Variants in EXTL3 observed in about 807,000 individuals in gnomAD.
EXTL3 encodes exostosin like glycosyltransferase 3, also known as exostosin-like 3.
Under a neutral mutation model 69.3 loss-of-function variants are expected in EXTL3, and 27 were observed. The ratio of observed to expected loss-of-function variants is 0.39; its 90% CI spans 0.29 to 0.54. The LOEUF is 0.54. Among genes scored for constraint, EXTL3 ranks in the 20% least tolerant of loss-of-function variants. The pLI is 0.69. For synonymous variants in EXTL3, 511 were observed against 499.4 expected, an observed-to-expected ratio of 1.02 and a Z score of -0.31; for missense variants, 1,003 against 1,231.8, an observed-to-expected ratio of 0.81 and a Z score of 2.78.
At chr8:28,668,881 T>TTTTTTTG (rs1382395399) in intron 1 of EXTL3, among the ~76,000 whole-genome samples, 1 of 147,874 alleles carries the variant, frequency 6.8e-6, no homozygotes, top group African/African-American at 2.5e-5. Context: ...TTTTTTTTTT[T>TTTTTTTG]GAGACAGAGT....
At chr8:28,712,541 A>G (rs915006962) in intron 1 of EXTL3, among the ~76,000 whole-genome samples, 3 of 152,250 alleles carry the variant, frequency 2.0e-5, no homozygotes, top group African/African-American at 7.2e-5. Flanking sequence ...AGGGCTCCTT[A>G]TCATTGTTTC....
At chr8:28,737,764 C>A (rs758761380) in intron 5 of EXTL3, 101 bp downstream of exon 5, 90 of 1,304,976 alleles carry the variant, frequency 6.9e-5, no homozygotes, top group Non-Finnish European at 9.3e-5. Flanking sequence ...ACGCTTCTTA[C>A]ATGTTTCTTT....
Position 28,750,844 on chromosome 8 carries a change from C to T in EXTL3, c.2738C>T (p.Thr913Ile). ...LFKTRLPHDKTKCFKFI is the reference protein window; with the variant it reads ...LFKTRLPHDKIKCFKFI ...AAGACACGCCTGCCCCATGACAAGA[C>T]CAAGTGCTTCAAGTTCATCTAGGGG... is the stretch of plus-strand genomic sequence containing the variant. Residue 913 changes from threonine to isoleucine, a missense_variant, in exon 7 of 7, where the codon ACC becomes ATC. By Grantham distance (89) the Thr-to-Ile change is moderately conservative. Coordinates refer to ENST00000220562, the MANE Select transcript of EXTL3 (RefSeq NM_001440.4). This position sits in a 1 kb window ranked among gnomAD's most constrained non-coding sequence, Gnocchi z 5.2. 1 of 1,614,126 alleles carries T rather than the reference C, an allele frequency of 6.2e-7. No homozygotes were observed. Among genetic ancestry groups the T allele is most frequent in the East Asian group, 2.2e-5 (1 of 44,882 alleles).
chr8:28,696,849 T>C (rs1800693987), upstream of EXTL3: 1 of 152,098 alleles, frequency 6.6e-6, no homozygotes, highest in African/African-American at 2.4e-5. Flanking sequence ...TGTTAGCCAT[T>C]GTGTGGTGGT....
intron 5 of EXTL3, 24 bp from the exon 6 acceptor site, chr8:28,743,062 T>G: frequency 6.2e-7 from 1 of 1,613,900 alleles, no homozygotes; most frequent in Non-Finnish European, 8.5e-7. Context: ...ACAGAGCATG[T>G]GGTTCTTTTT....
At chr8:28,685,997 C>A (rs1196356404) in intron 1 of EXTL3, 1 of 152,072 alleles carries the variant, frequency 6.6e-6, no homozygotes, top group Non-Finnish European at 1.5e-5. Context: ...TCCTGAGTAG[C>A]TGGGATTACA....
In EXTL3 at chr8:28,715,661, A is replaced by T. The variant is rs1159528198; in HGVS notation, c.-399A>T. ...AACCTATTACTGTATAACTGTGAATAGACACTATGCATATTTGTTGGTCAG... is the reference window on the plus strand; with the variant it reads ...AACCTATTACTGTATAACTGTGAATTGACACTATGCATATTTGTTGGTCAG... On this transcript the variant is annotated 5_prime_UTR_variant, in exon 3 of 7. Transcript: ENST00000220562. 8.5e-6 allele frequency: 2 copies of T among 235,670 alleles called. No individual in the cohort carries two copies. The highest frequency in any genetic ancestry group is 1.7e-5 in the Non-Finnish European group (2 of 118,968). The allele number at this position is 235,670 out of a possible 1,614,324, so 14.6% of individuals were successfully genotyped here. A position where few individuals can be genotyped will look rare whatever the true frequency, so the allele number is the denominator to read the frequency against.
intron 1 of EXTL3, among the ~76,000 whole-genome samples, chr8:28,662,243 C>G (rs1807128344): frequency 1.3e-5 from 2 of 151,920 alleles, no homozygotes; most frequent in South Asian, 2.1e-4. Flanking sequence ...ATTTGAATTT[C>G]CATTCCACTT....
At chr8:28,741,081 C>G (rs1801768835) in intron 5 of EXTL3, 1 of 152,240 alleles carries the variant, frequency 6.6e-6, no homozygotes, top group Admixed American at 6.6e-5. Flanking sequence ...CTCAGCCTCC[C>G]CAGTAGCTGG....
chr8:28,661,067 C>T (rs143007520), intron 1 of EXTL3, among the ~76,000 whole-genome samples: 4,262 of 151,582 alleles, frequency 0.028, 67 homozygotes, highest in Middle Eastern at 0.048. Flanking sequence ...GTGCCTGCCA[C>T]CACGCCAGGC....
intron 3 of EXTL3, among the ~76,000 whole-genome samples, chr8:28,730,690 A>G (rs1801516863): frequency 6.6e-6 from 1 of 152,184 alleles, no homozygotes; most frequent in Non-Finnish European, 1.5e-5. Flanking sequence ...AAGTTTGTGT[A>G]CGAGTAGTCA....
chr8:28,611,774 C>A lies in EXTL3; in HGVS notation n.314+4016C>A, dbSNP rs186441042. Among the ~76,000 whole-genome samples, 424 of 152,260 alleles carry A rather than the reference C, an allele frequency of 2.8e-3. 2 individuals carry two copies. The highest frequency in any genetic ancestry group is 8.7e-3 in the African/African-American group (363 of 41,554). ...CTTTCCTTAGCTCTGGGAAATAGTT[C>A]TTATTTTCTAAATCATTGTGCTTTG... On this transcript the variant is annotated intron_variant and non_coding_transcript_variant, in intron 2 of 4. Coordinates refer to the EXTL3 transcript ENST00000522725.
intron 4 of EXTL3, among the ~76,000 whole-genome samples, chr8:28,736,867 A>G (rs577399424): frequency 2.0e-5 from 3 of 152,338 alleles, no homozygotes; most frequent in African/African-American, 4.8e-5. Flanking sequence ...AGGTGGTGCA[A>G]TCATAGCTAA....
At position 28,716,226 on chromosome 8, in the gene EXTL3, A is replaced by C; in HGVS notation, c.167A>C (p.Glu56Ala). ...IAHYYLTTLD[E>A]ADEAGKRIFG... ...CACTATTACCTCACCACTCTGGATG[A>C]GGCTGATGAGGCAGGCAAGCGGATT... The change falls in exon 3 of 7, where the codon GAG (glutamate) becomes GCG (alanine). Residue 56 changes from glutamate (E) to alanine (A), a missense_variant. By Grantham distance (107) the Glu-to-Ala change is moderately radical. Around this residue, in one of 2 missense-constraint regions of EXTL3, gnomAD observed 742 missense variants for 815.4 expected, o/e 0.91. Coordinates refer to ENST00000220562, the MANE Select transcript of EXTL3 (RefSeq NM_001440.4). This position sits in a 1 kb window ranked among gnomAD's most constrained non-coding sequence, Gnocchi z 7.1. 3 of 1,614,184 alleles carry C rather than the reference A, an allele frequency of 1.9e-6. No homozygotes were observed. Among genetic ancestry groups the C allele is most frequent in the Non-Finnish European group, 2.5e-6 (3 of 1,180,024 alleles).
intron 5 of EXTL3, among the ~76,000 whole-genome samples, chr8:28,738,437 G>A (rs1394656622): frequency 6.6e-6 from 1 of 152,134 alleles, no homozygotes; most frequent in Non-Finnish European, 1.5e-5. Context: ...TGGATTACTG[G>A]GTTAAATACA....
At chr8:28,728,344 C>T (rs115017687) in intron 3 of EXTL3, among the ~76,000 whole-genome samples, 1,733 of 152,328 alleles carry the variant, frequency 0.011, 36 homozygotes, top group African/African-American at 0.04. Context: ...GCTCTCCTTG[C>T]TGCTCTCTCG....
At chr8:28,730,225 G>A (rs1307796481) in intron 3 of EXTL3, 1 of 152,192 alleles carries the variant, frequency 6.6e-6, no homozygotes, top group Non-Finnish European at 1.5e-5. Context: ...CCAGGTAGAG[G>A]TTGTTCTCAG....
chr8:28,644,690 A>T (rs867824519), intron 1 of EXTL3, among the ~76,000 whole-genome samples: 9 of 152,324 alleles, frequency 5.9e-5, no homozygotes, highest in African/African-American at 2.2e-4. Flanking sequence ...AATAAAATTT[A>T]AAAGTAAATT....
chr8:28,677,137 A>G lies in EXTL3; in HGVS notation c.-52-36320A>G, dbSNP rs73566888. Among the ~76,000 whole-genome samples, 501 of 150,460 alleles carry G rather than the reference A, an allele frequency of 3.3e-3. 3 individuals are homozygous for G. Among genetic ancestry groups the G allele is most frequent in the African/African-American group, 0.012 (486 of 39,854 alleles). On this transcript the variant is annotated intron_variant, in intron 1 of 6. Coordinates refer to the EXTL3 transcript ENST00000523149. Reference sequence around the variant, plus strand: ...TGAACATCCTGGAGAGAAAAGGGATAATTAATGAAGGAAATGCATGGAAGG... The same window carrying G: ...TGAACATCCTGGAGAGAAAAGGGATGATTAATGAAGGAAATGCATGGAAGG...
Sources: allele counts gnomAD v4.1 joint callset (sites outside exome capture counted in the v4.1 genomes callset), GRCh38; gene constraint gnomAD v4.1.1; regional missense constraint gnomAD v4.1.1; non-coding constraint Gnocchi (gnomAD v3.1); transcripts MANE v1.5; gene names NCBI Gene and HGNC (gene_info 2026-07-23, HGNC 2026-07-21).